Variants in AAK1 observed in about 807,000 individuals in gnomAD.
The protein encoded by AAK1 is AP2 associated kinase 1, also known as AP2-associated protein kinase 1.
In AAK1, 37 loss-of-function variants were observed where a neutral mutation model predicts 116.0. The ratio of observed to expected loss-of-function variants is 0.32; its 90% CI spans 0.25 to 0.42. The LOEUF is 0.42. Among genes scored for constraint, AAK1 ranks in the 10% least tolerant of loss-of-function variants. The probability of loss-of-function intolerance (pLI) is 1.00; values close to 1 mark genes in which losing one functional copy is unlikely to be tolerated. For synonymous variants in AAK1, 458 were observed against 439.9 expected (o/e 1.04, Z -0.51); for missense variants, 919 against 1,170.6 (o/e 0.79, Z 3.14).
At chr2:69,504,778 T>C (rs1676115341) in intron 16 of AAK1, among the ~76,000 whole-genome samples, 1 of 151,988 alleles carries the variant, frequency 6.6e-6, no homozygotes, top group South Asian at 2.1e-4. Context: ...AAAAATAAAA[T>C]TGTGGTCATG....
chr2:69,607,045 TCAAA>T (rs1673832347), intron 2 of AAK1, among the ~76,000 whole-genome samples: 1 of 65,770 alleles, frequency 1.5e-5, no homozygotes, highest in Admixed American at 1.8e-4. Flanking sequence ...CAGTCTTGCC[TCAAA>T]AAAAAAAAAA....
chr2:69,523,794 C>G (rs977464293), intron 10 of AAK1, among the ~76,000 whole-genome samples: 1 of 152,212 alleles, frequency 6.6e-6, no homozygotes, highest in Non-Finnish European at 1.5e-5. Context: ...AACCTCCAAC[C>G]CACAGGAATT....
rs1236064369 is a variant in AAK1, at chr2:69,527,078, C to T, written c.975+138G>A. On this transcript the variant is annotated intron_variant, in intron 9 of 21. Transcript: ENST00000409085. ...GATTCCCTTTATGGCAACTGCTTCA[C>T]AGTTAGCTTTGCTTGACTACCCCCA... is the stretch of plus-strand genomic sequence containing the variant. The T allele has an allele frequency of 6.4e-6, 4 of 627,234 alleles. No individual in the cohort carries two copies. In the African/African-American group the frequency reaches 7.3e-5, roughly 11 times the overall value. 38.9% of individuals were successfully genotyped at this position (627,234 alleles called of 1,614,324 possible).
rs191434637 is a variant in AAK1, at chr2:69,638,314, G to A, written c.163+4564C>T. Among the ~76,000 whole-genome samples, 15 of 152,178 alleles carry A rather than the reference G, an allele frequency of 9.9e-5. No individual in the cohort carries two copies. The East Asian group carries it at 1.9e-3, about 20-fold the overall frequency. On this transcript the variant is annotated intron_variant, in intron 2 of 21. Transcript: ENST00000409085. ...AATATCTCCCCTGTTCATACCTTTC[G>A]GTAACACTGGTCATTTCCCTTCCCT...
chr2:69,546,577 A>T (rs1308629894), intron 3 of AAK1, among the ~76,000 whole-genome samples: 1 of 152,220 alleles, frequency 6.6e-6, no homozygotes, highest in Non-Finnish European at 1.5e-5. Context: ...AAAAAGAATC[A>T]GCAATGTTGC....
chr2:69,643,721 G>T lies in AAK1; in HGVS notation c.-381C>A. The T allele has an allele frequency of 1.6e-6, 2 of 1,212,376 alleles. No individual in the cohort carries two copies. The highest frequency in any genetic ancestry group is 2.0e-6 in the Non-Finnish European group (2 of 975,616). 75.1% of individuals were successfully genotyped at this position (1,212,376 alleles called of 1,614,324 possible). A position where few individuals can be genotyped will look rare whatever the true frequency, so the allele number is the denominator to read the frequency against. On this transcript the variant is annotated 5_prime_UTR_variant, in exon 1 of 22. Coordinates refer to ENST00000409085, the MANE Select transcript of AAK1 (RefSeq NM_014911.5). The stretch of plus-strand genomic sequence containing the variant: ...CCCGCCCGCCCGCCAGCTGATCCCG[G>T]GAGCGCCGGGCGGAGACTGACCCGC...
rs370526920 is a variant in AAK1, at chr2:69,505,556, T to G, written c.2269+13A>C. On this transcript the variant is annotated intron_variant, in intron 16 of 21. Coordinates refer to ENST00000409085, the MANE Select transcript of AAK1 (RefSeq NM_014911.5). ...ACAGTGAACCTCCCGTTCCAGGTAT[T>G]TGCCATACTAACCAGTTCCAGCAGA... The G allele has an allele frequency of 1.9e-5, 31 of 1,610,208 alleles. No individual in the cohort carries two copies. The highest frequency in any genetic ancestry group is 2.4e-5 in the Non-Finnish European group (28 of 1,176,770).
chr2:69,625,136 C>T (rs1294578609), intron 2 of AAK1, among the ~76,000 whole-genome samples: 3 of 152,246 alleles, frequency 2.0e-5, no homozygotes, highest in African/African-American at 7.2e-5. Context: ...ACCCACGTAT[C>T]TTGATCTCAG....
chr2:69,480,262 A>C (rs78113517), intron 19 of AAK1, among the ~76,000 whole-genome samples: 7 of 141,282 alleles, frequency 5.0e-5, no homozygotes, highest in East Asian at 3.9e-4. Context: ...ATTATGGACA[A>C]AAAAAAAAAA....
intron 2 of AAK1, among the ~76,000 whole-genome samples, chr2:69,615,588 C>A (rs2105226225): frequency 6.6e-6 from 1 of 152,322 alleles, no homozygotes; most frequent in African/African-American, 2.4e-5. Flanking sequence ...TTTCTTCCTT[C>A]CCTGTTTCTT....
chr2:69,467,219 TA>T lies in AAK1; in HGVS notation c.*8649del. 1.0e-6 allele frequency: 1 copy of T among 985,412 alleles called. No homozygotes were observed. The highest frequency in any genetic ancestry group is 1.2e-6 in the Non-Finnish European group (1 of 829,924). 61.0% of individuals were successfully genotyped at this position (985,412 alleles called of 1,614,324 possible). On this transcript the variant is annotated 3_prime_UTR_variant, in exon 22 of 22. Transcript: ENST00000409085. Reference sequence around the variant, plus strand: ...CCCCAGAATTTTGTTTTCAGTCTTCTAAGTTCATAAAGATCTCCTCTGCTTA... The same window carrying T: ...CCCCAGAATTTTGTTTTCAGTCTTCTAGTTCATAAAGATCTCCTCTGCTTA...
chr2:69,585,154 TAAG>T (rs1454113123), intron 2 of AAK1, among the ~76,000 whole-genome samples: 7 of 152,250 alleles, frequency 4.6e-5, no homozygotes, highest in Non-Finnish European at 8.8e-5. Context: ...TCGAGGATTA[TAAG>T]AAGAGACTAT....
chr2:69,613,039 T>C (rs7561015), intron 2 of AAK1, among the ~76,000 whole-genome samples: 9,776 of 152,190 alleles, frequency 0.064, 881 homozygotes, highest in African/African-American at 0.2. Flanking sequence ...GTGGGTAATT[T>C]GAGGTCTCAT....
Position 69,643,458 on chromosome 2 carries a change from G to A in AAK1, c.-235+117C>T, listed in dbSNP as rs892008052. On this transcript the variant is annotated intron_variant, in intron 1 of 21. Coordinates refer to ENST00000409085, the MANE Select transcript of AAK1 (RefSeq NM_014911.5). Reference sequence around the variant, plus strand: ...AGAACCCGGGACCCCCGAGCCGGGAGCTCGGAGAAAGGAGGGATCCGAGCT... The same window carrying A: ...AGAACCCGGGACCCCCGAGCCGGGAACTCGGAGAAAGGAGGGATCCGAGCT... 9.1e-6 allele frequency: 11 copies of A among 1,202,960 alleles called. No individual in the cohort carries two copies. The East Asian group carries it at 9.7e-5, about 11-fold the overall frequency. 74.5% of individuals were successfully genotyped at this position (1,202,960 alleles called of 1,614,324 possible). A position where few individuals can be genotyped will look rare whatever the true frequency, so the allele number is the denominator to read the frequency against.
At chr2:69,520,358 C>CA (rs1669713810) in intron 11 of AAK1, among the ~76,000 whole-genome samples, 1 of 127,420 alleles carries the variant, frequency 7.8e-6, no homozygotes, top group Non-Finnish European at 1.6e-5. Context: ...CAATTCTTTT[C>CA]TTTTTTTTTT....
Position 69,471,240 on chromosome 2 carries a change from T to C in AAK1, c.*4629A>G. On this transcript the variant is annotated 3_prime_UTR_variant, in exon 22 of 22. Coordinates refer to ENST00000409085, the MANE Select transcript of AAK1 (RefSeq NM_014911.5). ...AATTCTAGCAACTACCACCATTTGG[T>C]AACTTCTTTGCATAGGTTAGCATTA... The C allele has an allele frequency of 1.0e-6, 1 of 985,446 alleles. No homozygotes were observed. Among genetic ancestry groups the C allele is most frequent in the Non-Finnish European group, 1.2e-6 (1 of 829,926 alleles). The allele number at this position is 985,446 out of a possible 1,614,324, so 61.0% of individuals were successfully genotyped here.
chr2:69,553,391 T>C (rs1445212685), intron 3 of AAK1, among the ~76,000 whole-genome samples: 1 of 149,902 alleles, frequency 6.7e-6, no homozygotes, highest in African/African-American at 2.4e-5. Flanking sequence ...GTACTCAAAC[T>C]ATGATGTGCG....
At chr2:69,627,552 C>A (rs143785308) in intron 2 of AAK1, among the ~76,000 whole-genome samples, 61 of 152,242 alleles carry the variant, frequency 4.0e-4, no homozygotes, top group African/African-American at 1.4e-3. Context: ...GCCTTAGACA[C>A]TAAAGAAGAA....
At chr2:69,619,074 C>T (rs1186381230) in intron 2 of AAK1, among the ~76,000 whole-genome samples, 1 of 152,162 alleles carries the variant, frequency 6.6e-6, no homozygotes, top group Non-Finnish European at 1.5e-5. Context: ...CTCACACCTC[C>T]CCAACCTTGA....
Sources: allele counts gnomAD v4.1 joint callset (sites outside exome capture counted in the v4.1 genomes callset), GRCh38; gene constraint gnomAD v4.1.1; transcripts MANE v1.5; gene names NCBI Gene and HGNC (gene_info 2026-07-23, HGNC 2026-07-21).